TRPM3: variants seen among roughly 807,000 people sequenced by gnomAD.
TRPM3 encodes long transient receptor potential channel 3.
A neutral mutation model predicts 181.2 loss-of-function variants in TRPM3; 77 were observed. That is an observed-to-expected ratio of 0.42 (90% confidence interval 0.35 to 0.51). TRPM3 has a LOEUF of 0.51. Among genes scored for constraint, TRPM3 ranks in the 20% least tolerant of loss-of-function variants. The probability of loss-of-function intolerance (pLI) is 0.01; values close to 1 mark genes in which losing one functional copy is unlikely to be tolerated. For missense variants in TRPM3, 1,759 were observed against 2,196.7 expected (o/e 0.80, Z 3.98); for synonymous variants, 745 against 796.4 (o/e 0.94, Z 1.09).
intron 1 of TRPM3, among the ~76,000 whole-genome samples, chr9:70,998,226 TATAC>T (rs934822137): frequency 6.7e-5 from 8 of 119,172 alleles, no homozygotes; most frequent in East Asian, 4.7e-4. Context: ...TATATATACA[TATAC>T]ACACACACAC....
chr9:70,938,489 C>G (rs1346366706), intron 1 of TRPM3, among the ~76,000 whole-genome samples: 1 of 151,924 alleles, frequency 6.6e-6, no homozygotes, highest in African/African-American at 2.4e-5. Context: ...TTTTCTATCT[C>G]TCCGCTTATT....
At position 70,946,901 on chromosome 9, in the gene TRPM3, T is replaced by C. The variant is rs141812794; in HGVS notation, c.178-82390A>G. ...TATATGAAATTCATTTATGTTGCTG[T>C]ATGGTATACAGTGCTATACAGCATC... On this transcript the variant is annotated intron_variant, in intron 1 of 25. Transcript: ENST00000677713. 2.9e-3 allele frequency among the ~76,000 whole-genome samples: 436 copies of C among 152,340 alleles called. 2 individuals carry two copies. Among genetic ancestry groups the C allele is most frequent in the African/African-American group, 9.7e-3 (405 of 41,582 alleles).
chr9:71,307,572 C>T (rs1330332887), intron 1 of TRPM3, among the ~76,000 whole-genome samples: 2 of 152,132 alleles, frequency 1.3e-5, no homozygotes, highest in Non-Finnish European at 2.9e-5. Context: ...TCTCCTCTCT[C>T]CTCTGTTTTT....
chr9:71,153,632 G>T (rs17056365), intron 1 of TRPM3, among the ~76,000 whole-genome samples: 1 of 151,754 alleles, frequency 6.6e-6, no homozygotes, highest in African/African-American at 2.4e-5. Flanking sequence ...TGATGATTTC[G>T]GACACATCCC....
At chr9:70,862,355 T>C (rs2095543701) in intron 3 of TRPM3, among the ~76,000 whole-genome samples, 1 of 152,150 alleles carries the variant, frequency 6.6e-6, no homozygotes. Flanking sequence ...GCTTTTTATG[T>C]GGAATCTTCT....
At chr9:71,173,444 CAT>C (rs1281889249) in intron 1 of TRPM3, among the ~76,000 whole-genome samples, 3 of 152,130 alleles carry the variant, frequency 2.0e-5, no homozygotes, top group African/African-American at 4.8e-5. Flanking sequence ...AAATTGTAAA[CAT>C]ATGTGGAAAG....
At chr9:71,351,849 GA>G (rs1350005697) in intron 1 of TRPM3, among the ~76,000 whole-genome samples, 2 of 149,430 alleles carry the variant, frequency 1.3e-5, no homozygotes, top group Admixed American at 6.7e-5. Context: ...AAGGAAATGG[GA>G]AGTTTTTGTT....
chr9:71,057,118 C>G lies in TRPM3; in HGVS notation c.177+64060G>C, dbSNP rs554529583. 2.0e-5 allele frequency among the ~76,000 whole-genome samples: 3 copies of G among 152,112 alleles called. No homozygotes were observed. In the East Asian group the frequency reaches 5.8e-4, roughly 29 times the overall value. On this transcript the variant is annotated intron_variant, in intron 1 of 25. Transcript: ENST00000677713. ...AGACACCCATGCCATCTGCTCATGA[C>G]CCCCTCGACACAGAGTTGGATTTCT...
chr9:70,945,935 T>C (rs747573665), intron 1 of TRPM3, among the ~76,000 whole-genome samples: 6 of 152,014 alleles, frequency 3.9e-5, no homozygotes, highest in Non-Finnish European at 7.4e-5. Context: ...GAGAAGGAAG[T>C]ATAGTACATG....
chr9:70,573,757 G>C (rs1264806542), intron 22 of TRPM3, among the ~76,000 whole-genome samples: 3 of 152,080 alleles, frequency 2.0e-5, no homozygotes, highest in African/African-American at 7.2e-5. Context: ...ATCAAGACCA[G>C]CACTGTTAGA....
intron 1 of TRPM3, among the ~76,000 whole-genome samples, chr9:70,950,214 C>A (rs1450404711): frequency 1.3e-5 from 2 of 152,080 alleles, no homozygotes; most frequent in African/African-American, 4.8e-5. Context: ...AAATGACTTT[C>A]TTTTTTAGGT....
At chr9:70,841,530 A>G (rs1192440187) in intron 5 of TRPM3, among the ~76,000 whole-genome samples, 1 of 149,830 alleles carries the variant, frequency 6.7e-6, no homozygotes, top group African/African-American at 2.4e-5. Flanking sequence ...ACCTGCACTT[A>G]TATATTTATT....
At chr9:70,748,760 C>A (rs79805356) in intron 8 of TRPM3, among the ~76,000 whole-genome samples, 1 of 152,098 alleles carries the variant, frequency 6.6e-6, no homozygotes, top group Admixed American at 6.6e-5. Flanking sequence ...GAACTGTGAA[C>A]AATAAATCTC....
At chr9:71,193,317 A>T (rs1396367994) in intron 1 of TRPM3, among the ~76,000 whole-genome samples, 3 of 151,724 alleles carry the variant, frequency 2.0e-5, no homozygotes, top group Non-Finnish European at 4.4e-5. Flanking sequence ...TGAAAAAGTC[A>T]CCAGTGTCCT....
At chr9:70,797,787 C>A (rs912928818) in intron 6 of TRPM3, among the ~76,000 whole-genome samples, 1 of 152,204 alleles carries the variant, frequency 6.6e-6, no homozygotes, top group Admixed American at 6.5e-5. Context: ...TTCTTGGCAT[C>A]TGCCTACTTT....
rs2059689773 is a variant in TRPM3, at chr9:70,652,236, G to C, written c.1346-11576C>G. Among the ~76,000 whole-genome samples the C allele has an allele frequency of 2.0e-5, 3 of 151,960 alleles. No individual in the cohort carries two copies. The South Asian group carries it at 6.2e-4, about 32-fold the overall frequency. On this transcript the variant is annotated intron_variant, in intron 9 of 25. Coordinates refer to ENST00000677713, the MANE Select transcript of TRPM3 (RefSeq NM_001366145.2). Reference sequence around the variant, plus strand: ...GTTTTGGAGGAAAGATGATTACTTTGTTTATATTATTATTATTATTAATTA... The same window carrying C: ...GTTTTGGAGGAAAGATGATTACTTTCTTTATATTATTATTATTATTAATTA...
intron 6 of TRPM3, among the ~76,000 whole-genome samples, chr9:70,793,000 G>A (rs181225139): frequency 3.3e-5 from 5 of 152,170 alleles, no homozygotes; most frequent in East Asian, 3.9e-4. Flanking sequence ...AAATGCTGAC[G>A]TTTGAATTTC....
At chr9:70,842,904 G>A in intron 5 of TRPM3, 99 bp downstream of exon 5, 1 of 1,220,708 alleles carries the variant, frequency 8.2e-7, no homozygotes, top group Non-Finnish European at 1.2e-6. Context: ...GAGACCCAAA[G>A]AATACTATAA....
chr9:71,432,323 C>CTTT (rs67905820), intron 1 of TRPM3, among the ~76,000 whole-genome samples: 1,900 of 76,338 alleles, frequency 0.025, 82 homozygotes, highest in African/African-American at 0.064. Flanking sequence ...AAAAGTAGGA[C>CTTT]TTTTTTTTTT....
Sources: allele counts gnomAD v4.1 joint callset (sites outside exome capture counted in the v4.1 genomes callset), GRCh38; gene constraint gnomAD v4.1.1; transcripts MANE v1.5; gene names NCBI Gene and HGNC (gene_info 2026-07-23, HGNC 2026-07-21).